NFAM1: variants seen among roughly 807,000 people sequenced by gnomAD.
The protein encoded by NFAM1 is NFAT activation molecule 1.
Under a neutral mutation model 29.0 loss-of-function variants are expected in NFAM1, and 17 were observed. That is an observed-to-expected ratio of 0.59 (90% CI 0.40 to 0.88). NFAM1 has a LOEUF of 0.88. Among genes scored for constraint, NFAM1 ranks in the 40% least tolerant of loss-of-function variants. The pLI is 0.00. For synonymous variants in NFAM1, 175 were observed against 147.2 expected (o/e 1.19, Z -1.36); for missense variants, 324 against 344.6 (o/e 0.94, Z 0.47).
At position 42,385,233 on chromosome 22, in the gene NFAM1, GAAGA is replaced by G. The variant is rs760098666; in HGVS notation, c.754-17_754-14del. 1.9e-6 allele frequency: 3 copies of G among 1,574,288 alleles called. No homozygotes were observed. The highest frequency in any genetic ancestry group is 2.2e-5 in the South Asian group (2 of 90,282). On this transcript the variant is annotated splice_polypyrimidine_tract_variant and intron_variant, in intron 5 of 5. Coordinates refer to ENST00000329021, the MANE Select transcript of NFAM1 (RefSeq NM_145912.8). ...TATGCGGTCTCTCCTGGATAGAAAA[GAAGA>G]AAGGGAGGGAAGGAGAGAAAGAGAG...
At chr22:42,386,097 G>A (rs564264845) in intron 5 of NFAM1, among the ~76,000 whole-genome samples, 20 of 152,252 alleles carry the variant, frequency 1.3e-4, no homozygotes, top group South Asian at 6.2e-4. Flanking sequence ...AGTATGGGCC[G>A]GGCGCGGTGC....
chr22:42,433,329 C>A (rs995977143), upstream of NFAM1, among the ~76,000 whole-genome samples: 1 of 152,188 alleles, frequency 6.6e-6, no homozygotes, highest in African/African-American at 2.4e-5. Flanking sequence ...GCATGCTGAG[C>A]GCTTACCTCC....
chr22:42,432,048 C>T (rs1930819871), intron 1 of NFAM1, among the ~76,000 whole-genome samples, 189 bp downstream of exon 1: 1 of 152,242 alleles, frequency 6.6e-6, no homozygotes, highest in Non-Finnish European at 1.5e-5. Context: ...CAAAAGCCAC[C>T]TTGGCAAGGC....
intron 4 of NFAM1, among the ~76,000 whole-genome samples, chr22:42,391,567 A>G (rs934672214): frequency 6.6e-6 from 1 of 152,100 alleles, no homozygotes; most frequent in African/African-American, 2.4e-5. Flanking sequence ...GGAGAGAACA[A>G]CTTCAACATT....
chr22:42,390,816 CAAAAAAAAAA>C (rs11343542), intron 4 of NFAM1, among the ~76,000 whole-genome samples: 5 of 107,610 alleles, frequency 4.6e-5, no homozygotes, highest in African/African-American at 1.7e-4. Context: ...GACTCCGTCT[CAAAAAAAAAA>C]AAAAAAAAAA....
chr22:42,428,095 T>C (rs976294454), intron 1 of NFAM1, among the ~76,000 whole-genome samples: 21 of 152,200 alleles, frequency 1.4e-4, no homozygotes, highest in African/African-American at 5.1e-4. Flanking sequence ...CCCGGACCCC[T>C]ACCTGAGGGG....
At chr22:42,393,977 T>C (rs770134629) in intron 4 of NFAM1, among the ~76,000 whole-genome samples, 2 of 152,136 alleles carry the variant, frequency 1.3e-5, no homozygotes, top group East Asian at 3.8e-4. Flanking sequence ...ATTCCATATA[T>C]GTCAATTAGG....
intron 4 of NFAM1, among the ~76,000 whole-genome samples, chr22:42,395,359 C>T (rs949202358): frequency 6.6e-6 from 1 of 151,732 alleles, no homozygotes; most frequent in African/African-American, 2.4e-5. Flanking sequence ...TCCTGTAATC[C>T]CAGCTACTCA....
At position 42,384,294 on chromosome 22, in the gene NFAM1, C is replaced by T. The variant is rs772478348; in HGVS notation, c.*867G>A. 6.5e-6 allele frequency: 1 copy of T among 153,648 alleles called. No individual in the cohort carries two copies. The highest frequency in any genetic ancestry group is 1.5e-5 in the Non-Finnish European group (1 of 68,838). 9.5% of individuals were successfully genotyped at this position (153,648 alleles called of 1,614,324 possible). On this transcript the variant is annotated 3_prime_UTR_variant, in exon 6 of 6. Coordinates refer to ENST00000329021, the MANE Select transcript of NFAM1 (RefSeq NM_145912.8). ...AGCTGAGGTCCTGTGGTGGAGAAGG[C>T]CTGGAGCAGAGGGTGACCAAGGAGA...
chr22:42,421,973 G>A (rs1930459938), intron 1 of NFAM1, among the ~76,000 whole-genome samples: 1 of 152,240 alleles, frequency 6.6e-6, no homozygotes, highest in Non-Finnish European at 1.5e-5. Context: ...AAAAGCGTGT[G>A]GCCAAGTGGC....
intron 4 of NFAM1, among the ~76,000 whole-genome samples, chr22:42,390,673 C>A (rs1347864750): frequency 6.6e-6 from 1 of 152,042 alleles, no homozygotes. Context: ...AAAAATTAGC[C>A]GGGCGTGGTG....
At position 42,385,012 on chromosome 22, in the gene NFAM1, C is replaced by T. The variant is rs955382886; in HGVS notation, c.*149G>A. On this transcript the variant is annotated 3_prime_UTR_variant, in exon 6 of 6. Coordinates refer to ENST00000329021, the MANE Select transcript of NFAM1 (RefSeq NM_145912.8). ...GCATAGAATGGGGGGGCAGTGGGGC[C>T]GGCCAAGACAGGAAGGGCCTTGAAT... 2.0e-5 allele frequency: 14 copies of T among 710,344 alleles called. No homozygotes were observed. Among genetic ancestry groups the T allele is most frequent in the African/African-American group, 5.2e-5 (3 of 57,270 alleles). The allele number at this position is 710,344 out of a possible 1,614,324, so 44.0% of individuals were successfully genotyped here. A position where few individuals can be genotyped will look rare whatever the true frequency, so the allele number is the denominator to read the frequency against.
chr22:42,415,740 G>A (rs1246348900), intron 1 of NFAM1, among the ~76,000 whole-genome samples: 7 of 152,190 alleles, frequency 4.6e-5, no homozygotes. Flanking sequence ...CTAGTTGGCT[G>A]CCAACTAGAA....
intron 1 of NFAM1, among the ~76,000 whole-genome samples, chr22:42,429,950 T>G (rs530776643): frequency 1.3e-5 from 2 of 152,178 alleles, no homozygotes; most frequent in South Asian, 2.1e-4. Context: ...TGAAGGGGGA[T>G]GCACAGGGGT....
At chr22:42,414,545 C>A (rs1446060658) in intron 1 of NFAM1, among the ~76,000 whole-genome samples, 2 of 151,804 alleles carry the variant, frequency 1.3e-5, no homozygotes, top group East Asian at 1.9e-4. Context: ...TCAAGGCCAG[C>A]CTGGGCATCA....
At chr22:42,400,671 T>C (rs1601743149) in intron 3 of NFAM1, among the ~76,000 whole-genome samples, 1 of 152,094 alleles carries the variant, frequency 6.6e-6, no homozygotes, top group Non-Finnish European at 1.5e-5. Context: ...GTCCAGCTGG[T>C]AAAAGGCTGT....
upstream of NFAM1, among the ~76,000 whole-genome samples, chr22:42,435,408 C>T (rs181827477): frequency 4.8e-4 from 72 of 150,246 alleles, 1 homozygote; most frequent in Admixed American, 4.3e-3. Context: ...AGTGCAATGG[C>T]GCGATCTCGG....
Position 42,432,259 on chromosome 22 carries a change from C to T in NFAM1, c.99G>A (p.Leu33=). The part of the protein sequence containing the change: ...APWLLLGVLL[L]PGTLRLAGGQ... ...TACCTGCCAGTCGCAGGGTCCCGGG[C>T]AGCAGCAGCACGCCAAGGAGGAGCC... Residue 33 remains leucine, a synonymous_variant, in exon 1 of 6, where the codon CTG becomes CTA. Transcript: ENST00000329021. The T allele has an allele frequency of 6.4e-7, 1 of 1,572,502 alleles. No homozygotes were observed. The highest frequency in any genetic ancestry group is 1.9e-5 in the Admixed American group (1 of 53,536).
chr22:42,431,635 C>A (rs1407846982), intron 1 of NFAM1, among the ~76,000 whole-genome samples: 2 of 152,188 alleles, frequency 1.3e-5, no homozygotes, highest in African/African-American at 4.8e-5. Context: ...AGGAAAGGAG[C>A]GCCGCTGGCG....
Sources: gnomAD v4.1 joint callset for allele counts (sites outside exome capture counted in the v4.1 genomes callset) on GRCh38, gnomAD v4.1.1 for gene constraint, MANE v1.5 for transcripts, NCBI Gene and HGNC (gene_info 2026-07-23, HGNC 2026-07-21) for gene names.